Variants in DOCK2 observed in about 807,000 individuals in gnomAD.
The protein encoded by DOCK2 is dedicator of cytokinesis protein 2.
A neutral mutation model predicts 248.9 loss-of-function variants in DOCK2; 87 were observed. The ratio of observed to expected loss-of-function variants is 0.35; its 90% CI spans 0.29 to 0.42. DOCK2 has a LOEUF of 0.42. DOCK2 is among the 10% of genes least tolerant of loss of function. The pLI, the probability that DOCK2 is intolerant of heterozygous loss-of-function variation, is 1.00. For missense variants in DOCK2, 1,747 were observed against 2,300.2 expected, an observed-to-expected ratio of 0.76 and a Z score of 4.92; for synonymous variants, 805 against 821.6, an observed-to-expected ratio of 0.98 and a Z score of 0.35.
At chr5:169,810,198 A>G (rs1445171273) in intron 26 of DOCK2, among the ~76,000 whole-genome samples, 1 of 151,954 alleles carries the variant, frequency 6.6e-6, no homozygotes, top group Non-Finnish European at 1.5e-5. Flanking sequence ...CTAGCAGGGT[A>G]TTCTTCTTTT....
chr5:170,079,066 C>A lies in DOCK2; in HGVS notation c.5086C>A (p.Arg1696=). 1.2e-6 allele frequency: 2 copies of A among 1,614,112 alleles called. No individual in the cohort carries two copies. The highest frequency in any genetic ancestry group is 1.7e-6 in the Non-Finnish European group (2 of 1,180,030). The change falls in exon 49 of 52, where the codon CGG becomes AGG. Residue 1696 remains arginine, a synonymous_variant. Transcript: ENST00000520908. ...GAGCACCCTGCCTGAGGTCAAGCTG[C>A]GGAGGTCCAAGAAGAGGACAAAGAG... ...PGSTLPEVKL[R]RSKKRTKRSS...
At chr5:169,787,456 C>T (rs1169321434) in intron 25 of DOCK2, among the ~76,000 whole-genome samples, 5 of 152,190 alleles carry the variant, frequency 3.3e-5, no homozygotes, top group Non-Finnish European at 7.3e-5. Flanking sequence ...CAGCTCCCAC[C>T]CAACTGTCAC....
At chr5:169,683,396 A>AT (rs55798338) in intron 7 of DOCK2, among the ~76,000 whole-genome samples, 94,920 of 151,530 alleles carry the variant, frequency 0.63, 30,130 homozygotes, top group South Asian at 0.72. Context: ...TGCCTGGCTA[A>AT]TTTTTTTTAT....
chr5:170,024,301 A>G (rs1755829178), intron 33 of DOCK2, among the ~76,000 whole-genome samples: 1 of 150,524 alleles, frequency 6.6e-6, no homozygotes, highest in Non-Finnish European at 1.5e-5. Context: ...GGATGGTGAC[A>G]GTGTTGGGGG....
intron 27 of DOCK2, among the ~76,000 whole-genome samples, chr5:169,959,165 G>A (rs1482206004): frequency 2.0e-5 from 3 of 152,114 alleles, no homozygotes; most frequent in Admixed American, 1.3e-4. Context: ...GGCCGAGGGG[G>A]GCGGATCATG....
At chr5:169,823,753 G>A (rs1312652996) in intron 26 of DOCK2, among the ~76,000 whole-genome samples, 1 of 152,180 alleles carries the variant, frequency 6.6e-6, no homozygotes. Context: ...TCAACATAGT[G>A]TTGGAATTTC....
intron 23 of DOCK2, among the ~76,000 whole-genome samples, chr5:169,753,033 C>A (rs188925430): frequency 2.1e-4 from 32 of 151,870 alleles, no homozygotes; most frequent in African/African-American, 7.0e-4. Context: ...CCATTGCACT[C>A]CAGCCTGGCG....
chr5:169,783,142 G>A (rs1220741767), intron 25 of DOCK2, among the ~76,000 whole-genome samples: 1 of 152,192 alleles, frequency 6.6e-6, no homozygotes, highest in African/African-American at 2.4e-5. Context: ...GGATGTTAAA[G>A]TCATTCTTGT....
At chr5:169,678,414 T>C (rs1324244143) in intron 6 of DOCK2, among the ~76,000 whole-genome samples, 2 of 151,962 alleles carry the variant, frequency 1.3e-5, no homozygotes, top group African/African-American at 4.8e-5. Flanking sequence ...TAGGCACACG[T>C]CACCATGCCA....
At chr5:169,715,414 G>A (rs1761842322) in intron 19 of DOCK2, among the ~76,000 whole-genome samples, 1 of 152,014 alleles carries the variant, frequency 6.6e-6, no homozygotes, top group Non-Finnish European at 1.5e-5. Context: ...CCTCTACCTG[G>A]AGAAGCAGTG....
At chr5:169,709,723 A>G (rs80193253) in intron 15 of DOCK2, among the ~76,000 whole-genome samples, 1 of 145,798 alleles carries the variant, frequency 6.9e-6, no homozygotes, top group Non-Finnish European at 1.5e-5. Flanking sequence ...TCCTTCTCAG[A>G]AAAAAAAAAA....
At chr5:169,901,457 G>T (rs1365036492) in intron 27 of DOCK2, among the ~76,000 whole-genome samples, 2 of 152,130 alleles carry the variant, frequency 1.3e-5, no homozygotes, top group African/African-American at 2.4e-5. Flanking sequence ...GCATGTGTGT[G>T]TAGGAGAGAG....
At chr5:169,751,155 C>T (rs1224736771) in intron 23 of DOCK2, among the ~76,000 whole-genome samples, 2 of 152,152 alleles carry the variant, frequency 1.3e-5, no homozygotes, top group African/African-American at 2.4e-5. Context: ...ATCATTTATA[C>T]CTCTTCCTCC....
In DOCK2 at chr5:170,018,983, C is replaced by A. The variant is rs1226359863; in HGVS notation, c.3256C>A (p.Pro1086Thr). ...KLGQNKICFI[P>T]GMVGPILEMT... ...AGGTCAGAACAAAATCTGCTTCATC[C>A]CAGGCATGGTAGGACCTATATTAGA... Residue 1086 changes from proline to threonine, a missense_variant, in exon 33 of 52, where the codon CCA becomes ACA. Pro to Thr is a conservative substitution (Grantham distance 38). Coordinates refer to ENST00000520908, the MANE Select transcript of DOCK2 (RefSeq NM_004946.3). 6.2e-7 allele frequency: 1 copy of A among 1,613,966 alleles called. No homozygotes were observed. The highest frequency in any genetic ancestry group is 1.1e-5 in the South Asian group (1 of 91,060).
chr5:170,042,858 G>C (rs1581551035), intron 38 of DOCK2, among the ~76,000 whole-genome samples: 1 of 152,224 alleles, frequency 6.6e-6, no homozygotes, highest in Admixed American at 6.5e-5. Flanking sequence ...TGCTATGAGA[G>C]CAGAGACTTG....
At chr5:169,712,993 T>G (rs1461613380) in intron 17 of DOCK2, among the ~76,000 whole-genome samples, 1 of 152,270 alleles carries the variant, frequency 6.6e-6, no homozygotes, top group East Asian at 1.9e-4. Context: ...CCCTTGCCCT[T>G]GGCTTTCTTA....
At chr5:169,942,995 G>A (rs553848063) in intron 27 of DOCK2, among the ~76,000 whole-genome samples, 1 of 152,280 alleles carries the variant, frequency 6.6e-6, no homozygotes, top group South Asian at 2.1e-4. Context: ...GGACAAACAT[G>A]GTTGTTGATA....
chr5:169,908,289 G>A (rs915100944), intron 27 of DOCK2, among the ~76,000 whole-genome samples: 1 of 151,968 alleles, frequency 6.6e-6, no homozygotes, highest in African/African-American at 2.4e-5. Flanking sequence ...TTGAACAGCT[G>A]AGGCAAATCA....
In DOCK2 at chr5:169,715,595, C is replaced by CTT. The variant is rs1306325431; in HGVS notation, c.1942-606_1942-605dup. Among the ~76,000 whole-genome samples the CTT allele has an allele frequency of 6.3e-3, 900 of 142,220 alleles. 10 individuals are homozygous for CTT. Among genetic ancestry groups the CTT allele is most frequent in the African/African-American group, 0.022 (864 of 38,878 alleles). The allele number at this position is 142,220 out of a possible 152,430, so 93.3% of individuals were successfully genotyped here. ...TTGTCTTCCTCTTGCATTCTTTTTT[C>CTT]TTTTTTTTTTTTTAAAAAAGTTTGT... On this transcript the variant is annotated intron_variant, in intron 19 of 51. Transcript: ENST00000520908.
Sources: allele counts gnomAD v4.1 joint callset (sites outside exome capture counted in the v4.1 genomes callset), GRCh38; gene constraint gnomAD v4.1.1; transcripts MANE v1.5; gene names NCBI Gene and HGNC (gene_info 2026-07-23, HGNC 2026-07-21).